PRKX: variants seen among roughly 807,000 people sequenced by gnomAD.
PRKX encodes protein kinase cAMP-dependent X-linked catalytic subunit.
Under a neutral mutation model 22.0 loss-of-function variants are expected in PRKX, and 12 were observed. The ratio of observed to expected loss-of-function variants is 0.54; its 90% CI spans 0.35 to 0.88. The LOEUF is 0.88. Ranked by LOEUF, PRKX falls within the 40% of genes least tolerant of loss-of-function variation. The pLI, the probability that PRKX is intolerant of heterozygous loss-of-function variation, is 0.01. For missense variants in PRKX, 217 were observed against 308.0 expected, an observed-to-expected ratio of 0.70 and a Z score of 2.21; for synonymous variants, 134 against 137.7, an observed-to-expected ratio of 0.97 and a Z score of 0.19.
intron 3 of PRKX, among the ~76,000 whole-genome samples, chrX:3,650,879 T>TAA (rs57311083): frequency 9.8e-5 from 8 of 82,017 alleles, no homozygotes; most frequent in Admixed American, 2.6e-4. Flanking sequence ...ACCCTGTCTT[T>TAA]AAAAAAAAAA....
chrX:3,605,012 G>GACACACACACACACACACACACACAC lies in PRKX; in HGVS notation c.*3931_*3956dup, dbSNP rs745485596. On this transcript the variant is annotated 3_prime_UTR_variant, in exon 9 of 9. Transcript: ENST00000262848. ...AAATACAGCCCCTCACCTTCACCAA[G>GACACACACACACACACACACACACAC]ACACACACACACACACACACACACA... 1.2e-5 allele frequency: 1 copy of GACACACACACACACACACACACACAC among 84,554 alleles called. No homozygotes were observed. Among genetic ancestry groups the GACACACACACACACACACACACACAC allele is most frequent in the African/African-American group, 4.4e-5 (1 of 22,507 alleles). 7.0% of individuals were successfully genotyped at this position (84,554 alleles called of 1,213,427 possible). A position where few individuals can be genotyped will look rare whatever the true frequency, so the allele number is the denominator to read the frequency against.
At chrX:3,669,648 T>TATCA (rs1431373237) in intron 2 of PRKX, among the ~76,000 whole-genome samples, 1 of 112,222 alleles carries the variant, frequency 8.9e-6, no homozygotes, top group East Asian at 2.8e-4. Context: ...GTCATTAATC[T>TATCA]ATCAATCAAT....
At chrX:3,636,632 G>A (rs1377647834) in intron 4 of PRKX, among the ~76,000 whole-genome samples, 1 of 112,602 alleles carries the variant, frequency 8.9e-6, no homozygotes, top group African/African-American at 3.2e-5. Flanking sequence ...GGCCGAAGCA[G>A]GTGGATCACT....
At chrX:3,634,713 G>A (rs1416555742) in intron 4 of PRKX, among the ~76,000 whole-genome samples, 2 of 111,280 alleles carry the variant, frequency 1.8e-5, no homozygotes, top group African/African-American at 6.5e-5. Flanking sequence ...TCTTTTTAGA[G>A]ACAGGGTCTC....
chrX:3,682,362 T>C (rs6641604), intron 1 of PRKX, among the ~76,000 whole-genome samples: 18,847 of 109,657 alleles, frequency 0.17, 1,349 homozygotes, highest in East Asian at 0.42. Context: ...AAAAGATACG[T>C]TGACATCCTA....
intron 8 of PRKX, chrX:3,611,104 C>G (rs758925979): frequency 8.9e-6 from 1 of 112,024 alleles, no homozygotes; most frequent in Non-Finnish European, 1.9e-5. Context: ...GTTATCTTCT[C>G]GAGGTCATAG....
intron 1 of PRKX, among the ~76,000 whole-genome samples, chrX:3,711,198 T>C (rs1216907615): frequency 9.1e-6 from 1 of 110,377 alleles, no homozygotes; most frequent in African/African-American, 3.3e-5. Context: ...GGTCCCCTGC[T>C]GTCCAATGAG....
intron 1 of PRKX, among the ~76,000 whole-genome samples, chrX:3,692,476 C>G (rs1210180993): frequency 9.1e-6 from 1 of 109,824 alleles, no homozygotes; most frequent in African/African-American, 3.3e-5. Flanking sequence ...CACAAGCTCA[C>G]AAGTGGCTAC....
intron 1 of PRKX, among the ~76,000 whole-genome samples, chrX:3,696,949 G>T (rs1295004161): frequency 1.8e-5 from 2 of 112,240 alleles, no homozygotes; most frequent in Non-Finnish European, 3.8e-5. Context: ...GAACCCGGGA[G>T]GTGGAGGTTG....
At chrX:3,644,482 A>G (rs1294059580) in intron 3 of PRKX, among the ~76,000 whole-genome samples, 1 of 109,246 alleles carries the variant, frequency 9.2e-6, no homozygotes, top group Non-Finnish European at 1.9e-5. Flanking sequence ...CAAGGAGAGA[A>G]ATTGAGTTCT....
chrX:3,677,827 G>C (rs1210786145), intron 1 of PRKX, among the ~76,000 whole-genome samples: 1 of 111,742 alleles, frequency 8.9e-6, no homozygotes. Context: ...TGAACTACAA[G>C]ATAAAGAAAA....
At chrX:3,638,120 A>G (rs1926932752) in intron 4 of PRKX, among the ~76,000 whole-genome samples, 2 of 111,242 alleles carry the variant, frequency 1.8e-5, no homozygotes. Flanking sequence ...GTTATTTTCT[A>G]TTCTATTGTA....
intron 1 of PRKX, among the ~76,000 whole-genome samples, chrX:3,683,718 C>T (rs1319455939): frequency 1.8e-5 from 2 of 111,055 alleles, no homozygotes; most frequent in Non-Finnish European, 3.8e-5. Context: ...GCACAGCCGT[C>T]GTCCCAACTA....
intron 1 of PRKX, among the ~76,000 whole-genome samples, chrX:3,684,496 GA>G (rs1201206261): frequency 1.8e-5 from 2 of 111,394 alleles, no homozygotes; most frequent in Non-Finnish European, 3.8e-5. Context: ...AAACGTAAAT[GA>G]AAAAAAGTAC....
rs773712108 is a variant in PRKX, at chrX:3,606,390, A to T, written c.*2579T>A. On this transcript the variant is annotated 3_prime_UTR_variant, in exon 9 of 9. Coordinates refer to ENST00000262848, the MANE Select transcript of PRKX (RefSeq NM_005044.5). ...AGCTATTTGTATTTTTTTTATTTTT[A>T]TGTTTTGAGACGGAGTCTTGCTCTG... The T allele has an allele frequency of 1.8e-5, 2 of 111,339 alleles. No homozygotes were observed. Among genetic ancestry groups the T allele is most frequent in the East Asian group, 5.7e-4 (2 of 3,512 alleles). 9.2% of individuals were successfully genotyped at this position (111,339 alleles called of 1,213,427 possible). A position where few individuals can be genotyped will look rare whatever the true frequency, so the allele number is the denominator to read the frequency against.
At chrX:3,689,114 T>C (rs1928243763) in intron 1 of PRKX, among the ~76,000 whole-genome samples, 1 of 112,396 alleles carries the variant, frequency 8.9e-6, no homozygotes, top group South Asian at 3.6e-4. Context: ...GTTAAATTGA[T>C]AAGTGAAACC....
chrX:3,653,639 A>AATATATATATAATATACTATGTG (rs1252674150), intron 3 of PRKX, among the ~76,000 whole-genome samples: 1 of 37,560 alleles, frequency 2.7e-5, no homozygotes, highest in African/African-American at 1.0e-4. Flanking sequence ...TATACTATGT[A>AATATATATATAATATACTATGTG]ATATATATAT....
At chrX:3,698,967 CTTT>C (rs111433967) in intron 1 of PRKX, among the ~76,000 whole-genome samples, 6 of 91,104 alleles carry the variant, frequency 6.6e-5, no homozygotes, top group Admixed American at 1.2e-4. Flanking sequence ...TTCCAAAATT[CTTT>C]TTTTTTTTTT....
chrX:3,681,974 T>C lies in PRKX; in HGVS notation c.167-7208A>G, dbSNP rs776404869. On this transcript the variant is annotated intron_variant, in intron 1 of 8. Transcript: ENST00000262848. Reference sequence around the variant, plus strand: ...ACACGGATTTAAGTTTCTTTGGTTATATTTTTAAATTTTGCTAGAACTCAA... The same window carrying C: ...ACACGGATTTAAGTTTCTTTGGTTACATTTTTAAATTTTGCTAGAACTCAA... Among the ~76,000 whole-genome samples the C allele has an allele frequency of 3.6e-5, 4 of 111,496 alleles. No individual in the cohort carries two copies. The East Asian group carries it at 8.6e-4, about 24-fold the overall frequency.
Sources: allele counts gnomAD v4.1 joint callset (sites outside exome capture counted in the v4.1 genomes callset), GRCh38; gene constraint gnomAD v4.1.1; transcripts MANE v1.5; gene names NCBI Gene and HGNC (gene_info 2026-07-23, HGNC 2026-07-21).